Variants in TIAM2 observed in about 807,000 individuals in gnomAD.
TIAM2 encodes the protein rho guanine nucleotide exchange factor TIAM2.
In TIAM2, 80 loss-of-function variants were observed where a neutral mutation model predicts 152.9. That is an observed-to-expected ratio of 0.52 (90% CI 0.44 to 0.63). The LOEUF is 0.63. Among genes scored for constraint, TIAM2 ranks in the 30% least tolerant of loss-of-function variants. TIAM2 has a pLI of 0.00. For missense variants in TIAM2, 1,965 were observed against 2,120.1 expected, an observed-to-expected ratio of 0.93 and a Z score of 1.44; for synonymous variants, 804 against 838.0, an observed-to-expected ratio of 0.96 and a Z score of 0.70.
chr6:155,148,147 C>G lies in TIAM2; in HGVS notation c.1841C>G (p.Ala614Gly). 1 of 1,613,864 alleles carries G rather than the reference C, an allele frequency of 6.2e-7. No homozygotes were observed. The highest frequency in any genetic ancestry group is 2.2e-5 in the East Asian group (1 of 44,866). The change falls in exon 7 of 27, where the codon GCT becomes GGT. Residue 614 changes from alanine (A) to glycine (G), a missense_variant. Coordinates refer to ENST00000682666, the MANE Select transcript of TIAM2 (RefSeq NM_012454.4). ...ACAGATCTAGAAAACTGGGTCACTG[C>G]TGTACACTCTGCTTGTGCATCCCTT... ...SQTDLENWVT[A>G]VHSACASLFA...
chr6:155,161,568 CTTTT>C (rs575970529), intron 7 of TIAM2, among the ~76,000 whole-genome samples: 2 of 137,550 alleles, frequency 1.5e-5, no homozygotes, highest in East Asian at 4.1e-4. Context: ...TTTATTTTGT[CTTTT>C]TTTTTTTTTT....
Position 155,129,158 on chromosome 6 carries a change from C to T in TIAM2, c.-6-60C>T, listed in dbSNP as rs962929758. The stretch of plus-strand genomic sequence containing the variant: ...TGCAGGGCATTCTTTTTAGAAAGTT[C>T]TGTCATAATGGAATGTAATTTAGGC... On this transcript the variant is annotated intron_variant, in intron 3 of 26. Coordinates refer to ENST00000682666, the MANE Select transcript of TIAM2 (RefSeq NM_012454.4). This position sits in a 1 kb window ranked among gnomAD's most constrained non-coding sequence, Gnocchi z 4.8. 1.3e-6 allele frequency: 2 copies of T among 1,485,586 alleles called. No homozygotes were observed. Among genetic ancestry groups the T allele is most frequent in the Non-Finnish European group, 1.8e-6 (2 of 1,086,232 alleles). 92.0% of individuals were successfully genotyped at this position (1,485,586 alleles called of 1,614,324 possible).
Position 155,257,155 on chromosome 6 carries a change from ATT to A in TIAM2, c.*37_*38del. The stretch of plus-strand genomic sequence containing the variant: ...AATCCAGATATGGGTTAAATTCCTC[ATT>A]TTACTTTTAAACTGGTGGTAAAGTG... On this transcript the variant is annotated 3_prime_UTR_variant, in exon 27 of 27. Coordinates refer to ENST00000682666, the MANE Select transcript of TIAM2 (RefSeq NM_012454.4). 1 of 1,479,662 alleles carries A rather than the reference ATT, an allele frequency of 6.8e-7. No individual in the cohort carries two copies. The allele number at this position is 1,479,662 out of a possible 1,614,324, so 91.7% of individuals were successfully genotyped here. A position where few individuals can be genotyped will look rare whatever the true frequency, so the allele number is the denominator to read the frequency against.
intron 1 of TIAM2, among the ~76,000 whole-genome samples, chr6:155,008,196 G>C (rs575355680): frequency 6.6e-6 from 1 of 152,256 alleles, no homozygotes; most frequent in Non-Finnish European, 1.5e-5. Context: ...ATTTCTGTGT[G>C]TGATAGATGA....
At chr6:155,064,428 T>G (rs544748501) in intron 1 of TIAM2, among the ~76,000 whole-genome samples, 4 of 152,340 alleles carry the variant, frequency 2.6e-5, no homozygotes, top group African/African-American at 9.6e-5. Flanking sequence ...TGGGTTTATG[T>G]ATCCAGCTTG....
At chr6:155,036,390 C>T (rs1776921443) in intron 1 of TIAM2, among the ~76,000 whole-genome samples, 1 of 151,282 alleles carries the variant, frequency 6.6e-6, no homozygotes, top group Admixed American at 6.6e-5. Context: ...AAAAATTAGC[C>T]AGGCGTAGAG....
intron 1 of TIAM2, among the ~76,000 whole-genome samples, chr6:155,018,948 G>A (rs1246752036): frequency 6.7e-6 from 1 of 149,256 alleles, no homozygotes; most frequent in African/African-American, 2.5e-5. Context: ...GCTGAGGCAG[G>A]AAAATCGCTT....
intron 9 of TIAM2, among the ~76,000 whole-genome samples, chr6:155,166,383 G>A (rs1405094321): frequency 6.6e-6 from 1 of 151,522 alleles, no homozygotes; most frequent in Non-Finnish European, 1.5e-5. Flanking sequence ...GAATGTAGTG[G>A]TGTGATCTTG....
At chr6:155,243,125 C>T (rs1185476187) in intron 16 of TIAM2, among the ~76,000 whole-genome samples, 1 of 152,176 alleles carries the variant, frequency 6.6e-6, no homozygotes, top group Non-Finnish European at 1.5e-5. Context: ...CCTGCTGGAA[C>T]CTCGTTTGCA....
chr6:155,180,662 G>C (rs904563437), intron 12 of TIAM2, among the ~76,000 whole-genome samples: 14 of 151,864 alleles, frequency 9.2e-5, no homozygotes, highest in Non-Finnish European at 2.1e-4. Context: ...GAGTGCAGTG[G>C]CATGATCTCG....
Position 155,028,976 on chromosome 6 carries a change from CTA to C in TIAM2, c.-209+33486_-209+33487del, listed in dbSNP as rs1328046282. Reference sequence around the variant, plus strand: ...ATATACACTGTATGTACTATATATACTATGTTATATATACACTGTATATACTA... The same window carrying C: ...ATATACACTGTATGTACTATATATACTGTTATATATACACTGTATATACTA... On this transcript the variant is annotated intron_variant, in intron 1 of 26. Transcript: ENST00000682666. 9.7e-5 allele frequency among the ~76,000 whole-genome samples: 11 copies of C among 113,550 alleles called. 3 individuals are homozygous for C. The highest frequency in any genetic ancestry group is 1.7e-4 in the Non-Finnish European group (10 of 58,488). The allele number at this position is 113,550 out of a possible 152,430, so 74.5% of individuals were successfully genotyped here.
At position 155,136,699 on chromosome 6, in the gene TIAM2, A is replaced by C. The variant is rs1014873664; in HGVS notation, c.1195-478A>C. On this transcript the variant is annotated intron_variant, in intron 4 of 26. Transcript: ENST00000682666. ...AGGAAGAGAAGTTTTTGGGTTTTGC[A>C]TAACAATACTGAGTCCCTGTCTTCC... Among the ~76,000 whole-genome samples the C allele has an allele frequency of 7.6e-4, 116 of 152,344 alleles. 1 individual carries two copies. The highest frequency in any genetic ancestry group is 2.7e-3 in the African/African-American group (114 of 41,562).
chr6:155,175,556 A>T (rs1250190992), intron 9 of TIAM2, among the ~76,000 whole-genome samples: 1 of 152,224 alleles, frequency 6.6e-6, no homozygotes, highest in African/African-American at 2.4e-5. Context: ...TTCAATATGA[A>T]TTATATTAAT....
chr6:155,164,152 T>TTTTTTTTTTTTTTTTTTTG (rs1252949347), intron 7 of TIAM2, among the ~76,000 whole-genome samples: 2 of 147,944 alleles, frequency 1.4e-5, no homozygotes, highest in Admixed American at 6.9e-5. Flanking sequence ...TTTTCTTTTT[T>TTTTTTTTTTTTTTTTTTTG]TTAGTAGAGA....
intron 14 of TIAM2, among the ~76,000 whole-genome samples, chr6:155,188,472 A>G (rs1448962885): frequency 2.6e-5 from 4 of 152,238 alleles, no homozygotes; most frequent in Non-Finnish European, 5.9e-5. Flanking sequence ...AGTTATTCAC[A>G]GTGGAGAGAG....
chr6:154,998,547 G>A (rs1054728228), intron 1 of TIAM2, among the ~76,000 whole-genome samples: 1 of 152,128 alleles, frequency 6.6e-6, no homozygotes, highest in African/African-American at 2.4e-5. Flanking sequence ...ACAATTTGTG[G>A]GGTGATCTGG....
intron 19 of TIAM2, among the ~76,000 whole-genome samples, chr6:155,247,371 T>G (rs1783394120): frequency 6.6e-6 from 1 of 152,122 alleles, no homozygotes; most frequent in Non-Finnish European, 1.5e-5. Flanking sequence ...CTTTGTTGCC[T>G]AGGCTGGAGT....
At chr6:155,006,776 C>T (rs527842328) in intron 1 of TIAM2, among the ~76,000 whole-genome samples, 110 of 151,958 alleles carry the variant, frequency 7.2e-4, no homozygotes, top group Non-Finnish European at 1.4e-3. Flanking sequence ...ACAACCTCCA[C>T]CTCCCGGGTT....
chr6:155,135,195 T>C lies in TIAM2; in HGVS notation c.1195-1982T>C, dbSNP rs986516777. On this transcript the variant is annotated intron_variant, in intron 4 of 26. Transcript: ENST00000682666. ...TCATATTTCTATTTGTAATATCTGC[T>C]TGGGGCGCAGTTGTTCATGGCTCCT... is the stretch of plus-strand genomic sequence containing the variant. Among the ~76,000 whole-genome samples the C allele has an allele frequency of 7.2e-5, 11 of 152,320 alleles. 1 individual carries two copies. The highest frequency in any genetic ancestry group is 3.9e-4 in the East Asian group (2 of 5,190).
Sources: gnomAD v4.1 joint callset for allele counts (sites outside exome capture counted in the v4.1 genomes callset) on GRCh38, gnomAD v4.1.1 for gene constraint, Gnocchi (gnomAD v3.1) non-coding constraint, MANE v1.5 for transcripts, NCBI Gene and HGNC (gene_info 2026-07-23, HGNC 2026-07-21) for gene names.